SLC38A8: variants seen among roughly 807,000 people sequenced by gnomAD.
The protein encoded by SLC38A8 is solute carrier family 38 member 8, also known as amino acid transporter SLC38A8.
In SLC38A8, 65 loss-of-function variants were observed where a neutral mutation model predicts 46.0. That is an observed-to-expected ratio of 1.41 (90% CI 1.16 to 1.74). SLC38A8 has a LOEUF of 1.74. SLC38A8 is among the 40% of genes most tolerant of loss of function. The pLI is 0.00. For missense variants in SLC38A8, 998 were observed against 567.9 expected (o/e 1.76, Z -7.70); for synonymous variants, 447 against 243.7 (o/e 1.83, Z -7.77).
intron 10 of SLC38A8, among the ~76,000 whole-genome samples, chr16:84,010,683 G>A (rs1026381608): frequency 1.1e-4 from 16 of 152,298 alleles, no homozygotes; most frequent in African/African-American, 2.9e-4. Flanking sequence ...GGCAGAGGTC[G>A]CAGTGAGCCA....
chr16:84,040,185 C>A (rs2085352375), intron 2 of SLC38A8, among the ~76,000 whole-genome samples: 1 of 152,200 alleles, frequency 6.6e-6, no homozygotes, highest in African/African-American at 2.4e-5. Flanking sequence ...CCATCATTCA[C>A]AGTGACATCA....
At chr16:84,017,310 G>A (rs769480883) in intron 7 of SLC38A8, 23 bp from the exon 8 acceptor site, 5 of 1,612,922 alleles carry the variant, frequency 3.1e-6, no homozygotes, top group East Asian at 2.2e-5. Context: ...AAGGATGGAA[G>A]CCACAGAGTG....
intron 6 of SLC38A8, among the ~76,000 whole-genome samples, chr16:84,026,144 G>C (rs2085161716): frequency 6.6e-6 from 1 of 152,266 alleles, no homozygotes; most frequent in Admixed American, 6.5e-5. Context: ...TAAGGGAAAA[G>C]ACAGTTAGTA....
intron 7 of SLC38A8, among the ~76,000 whole-genome samples, chr16:84,020,665 G>T (rs997299189): frequency 1.3e-5 from 2 of 152,198 alleles, no homozygotes; most frequent in African/African-American, 4.8e-5. Flanking sequence ...GTGAGGGCAC[G>T]TAGGATAGCC....
chr16:84,017,119 C>A (rs2085037929), intron 8 of SLC38A8, 21 bp downstream of exon 8: 1 of 1,613,236 alleles, frequency 6.2e-7, no homozygotes, highest in Admixed American at 1.7e-5. Context: ...TCACGGTGCC[C>A]CCCACTGAGC....
intron 2 of SLC38A8, among the ~76,000 whole-genome samples, chr16:84,039,313 T>C (rs560716171): frequency 2.0e-5 from 3 of 152,310 alleles, no homozygotes; most frequent in South Asian, 2.1e-4. Context: ...ACACATGCAA[T>C]TGTAAAATAT....
intron 7 of SLC38A8, among the ~76,000 whole-genome samples, chr16:84,019,657 C>T (rs776840484): frequency 3.9e-5 from 6 of 152,170 alleles, no homozygotes; most frequent in Non-Finnish European, 8.8e-5. Flanking sequence ...CCCCATGACC[C>T]CAAAGTCTTC....
rs1182549779 is a variant in SLC38A8, at chr16:84,024,600, G to A, written c.691-1711C>T. ...GTTCGAGACCAGCCTGGCCAACATG[G>A]TGAAACCCCGTCTCTACTAAAAGTA... is the stretch of plus-strand genomic sequence containing the variant. On this transcript the variant is annotated intron_variant, in intron 6 of 10. Transcript: ENST00000299709. 4.6e-5 allele frequency among the ~76,000 whole-genome samples: 7 copies of A among 152,158 alleles called. No homozygotes were observed. In the East Asian group the frequency reaches 1.2e-3, roughly 26 times the overall value.
At chr16:84,021,884 A>C (rs2085100252) in intron 7 of SLC38A8, among the ~76,000 whole-genome samples, 1 of 152,242 alleles carries the variant, frequency 6.6e-6, no homozygotes, top group African/African-American at 2.4e-5. Context: ...CAGAGCCCTG[A>C]AGTGGCGCGC....
chr16:84,032,016 G>A lies in SLC38A8; in HGVS notation c.531-48C>T, dbSNP rs886789123. On this transcript the variant is annotated intron_variant, in intron 4 of 10. Coordinates refer to ENST00000299709, the MANE Select transcript of SLC38A8 (RefSeq NM_001080442.3). ...GGCTGCGCAGTGGGTGACATGTGCGGTTGATGCACGGGGACAGTAGTGGGA... is the reference window on the plus strand; with the variant it reads ...GGCTGCGCAGTGGGTGACATGTGCGATTGATGCACGGGGACAGTAGTGGGA... 4.0e-6 allele frequency: 6 copies of A among 1,494,422 alleles called. No homozygotes were observed. The Admixed American group carries it at 5.1e-5, about 13-fold the overall frequency. 92.6% of individuals were successfully genotyped at this position (1,494,422 alleles called of 1,614,324 possible).
At chr16:84,015,161 G>T (rs987128294) in intron 9 of SLC38A8, among the ~76,000 whole-genome samples, 7 of 152,094 alleles carry the variant, frequency 4.6e-5, no homozygotes, top group African/African-American at 1.4e-4. Context: ...ACGCACTGAG[G>T]GAGTCTCGAC....
At chr16:84,012,580 G>A (rs551208918) in intron 10 of SLC38A8, among the ~76,000 whole-genome samples, 19 of 152,330 alleles carry the variant, frequency 1.2e-4, no homozygotes, top group African/African-American at 4.3e-4. Flanking sequence ...ACCTAGCTCA[G>A]TGCCTAGCAG....
chr16:84,029,620 G>A (rs2085214211), intron 5 of SLC38A8, 69 bp from the exon 6 acceptor site: 2 of 1,483,670 alleles, frequency 1.3e-6, no homozygotes, highest in South Asian at 2.3e-5. Flanking sequence ...GGCTGCAATG[G>A]TGAATTTTAA....
intron 3 of SLC38A8, among the ~76,000 whole-genome samples, chr16:84,034,073 A>C (rs1234973193): frequency 3.9e-5 from 6 of 152,090 alleles, no homozygotes; most frequent in Admixed American, 3.9e-4. Context: ...GTCTGGAGGA[A>C]CCCTGATGGC....
chr16:84,035,873 G>C (rs987401689), intron 3 of SLC38A8, among the ~76,000 whole-genome samples: 2 of 152,204 alleles, frequency 1.3e-5, no homozygotes, highest in African/African-American at 2.4e-5. Context: ...CTTAGGAATA[G>C]AATAACTAGA....
At chr16:84,040,874 A>C (rs757945411) in intron 2 of SLC38A8, among the ~76,000 whole-genome samples, 2 of 152,186 alleles carry the variant, frequency 1.3e-5, no homozygotes, top group Non-Finnish European at 2.9e-5. Context: ...GAGGACAGGG[A>C]CCACACTGCG....
chr16:84,030,423 C>G (rs2085224047), intron 5 of SLC38A8, among the ~76,000 whole-genome samples: 1 of 152,028 alleles, frequency 6.6e-6, no homozygotes, highest in Non-Finnish European at 1.5e-5. Context: ...GCACTCACAG[C>G]CTTCAATGCC....
chr16:84,017,439 G>A (rs1339547291), intron 7 of SLC38A8, 152 bp from the exon 8 acceptor site: 4 of 871,122 alleles, frequency 4.6e-6, no homozygotes, highest in Non-Finnish European at 1.7e-6. Context: ...AAGCTTTCCT[G>A]TCCTAAGCCT....
rs985423813 is a variant in SLC38A8, at chr16:84,022,880, C to G, written c.700G>C (p.Ala234Pro). 5 of 1,602,886 alleles carry G rather than the reference C, an allele frequency of 3.1e-6. No homozygotes were observed. Among genetic ancestry groups the G allele is most frequent in the Non-Finnish European group, 4.3e-6 (5 of 1,175,518 alleles). Residue 234 changes from alanine (A) to proline (P), a missense_variant, in exon 7 of 11, where the codon GCT becomes CCT. Coordinates refer to ENST00000299709, the MANE Select transcript of SLC38A8 (RefSeq NM_001080442.3). ...TICFGFQCHEAAVSIYCSMRK... is the reference protein window; with the variant it reads ...TICFGFQCHEPAVSIYCSMRK... ...ATGCTGCAGTAGATGGAGACGGCAGCTTCGTGACACTGTAAGACAGAGGGC... is the reference window on the plus strand; with the variant it reads ...ATGCTGCAGTAGATGGAGACGGCAGGTTCGTGACACTGTAAGACAGAGGGC...
Sources: gnomAD v4.1 joint callset for allele counts (sites outside exome capture counted in the v4.1 genomes callset) on GRCh38, gnomAD v4.1.1 for gene constraint, MANE v1.5 for transcripts, NCBI Gene and HGNC (gene_info 2026-07-23, HGNC 2026-07-21) for gene names.